The following FCHSD2 variants were observed in gnomAD, a reference collection of about 807,000 sequenced individuals.
FCHSD2 encodes F-BAR and double SH3 domains protein 2.
Under a neutral mutation model 108.1 loss-of-function variants are expected in FCHSD2, and 38 were observed. The observed-to-expected ratio is 0.35, with a 90% CI of 0.27 to 0.46. The LOEUF is 0.46. Ranked by LOEUF, FCHSD2 falls within the 20% of genes least tolerant of loss-of-function variation. The pLI is 1.00. For missense variants in FCHSD2, 751 were observed against 897.8 expected (o/e 0.84, Z 2.09); for synonymous variants, 279 against 314.7 (o/e 0.89, Z 1.20).
chr11:73,082,978 A>G (rs968353121), intron 3 of FCHSD2, among the ~76,000 whole-genome samples: 1 of 152,204 alleles, frequency 6.6e-6, no homozygotes, highest in Non-Finnish European at 1.5e-5. Flanking sequence ...AAATGCTTCA[A>G]TTTCCCTAGG....
intron 8 of FCHSD2, among the ~76,000 whole-genome samples, chr11:72,923,805 G>A (rs1856020839): frequency 6.6e-6 from 1 of 152,106 alleles, no homozygotes; most frequent in Non-Finnish European, 1.5e-5. Flanking sequence ...CTGATGTAGT[G>A]GCGTCTGCCT....
At chr11:73,071,795 T>C (rs1184521415) in intron 3 of FCHSD2, among the ~76,000 whole-genome samples, 1 of 152,060 alleles carries the variant, frequency 6.6e-6, no homozygotes, top group Non-Finnish European at 1.5e-5. Flanking sequence ...GTGTCCACAA[T>C]TATAAAATGG....
chr11:73,036,121 A>G (rs902170929), intron 3 of FCHSD2, among the ~76,000 whole-genome samples: 1 of 152,218 alleles, frequency 6.6e-6, no homozygotes, highest in Non-Finnish European at 1.5e-5. Flanking sequence ...TGGCTTGGAC[A>G]GGGCTCAAAG....
intron 11 of FCHSD2, among the ~76,000 whole-genome samples, chr11:72,889,144 T>C (rs1360096647): frequency 6.6e-6 from 1 of 151,684 alleles, no homozygotes; most frequent in Non-Finnish European, 1.5e-5. Flanking sequence ...TTAGTAGAGA[T>C]GGGGTTTCAC....
chr11:72,913,659 G>T (rs1306761845), intron 9 of FCHSD2, among the ~76,000 whole-genome samples: 1 of 152,038 alleles, frequency 6.6e-6, no homozygotes. Context: ...TGTGGTATTG[G>T]TTGTAATGTC....
chr11:72,942,355 T>A (rs909781246), intron 8 of FCHSD2, among the ~76,000 whole-genome samples: 2 of 152,232 alleles, frequency 1.3e-5, no homozygotes, highest in African/African-American at 4.8e-5. Context: ...TCTGCAGGAC[T>A]GTGAGCCAAA....
chr11:73,118,749 C>T (rs1298955212), intron 2 of FCHSD2, among the ~76,000 whole-genome samples: 2 of 152,244 alleles, frequency 1.3e-5, no homozygotes, highest in East Asian at 3.9e-4. Flanking sequence ...GCCCTTACCA[C>T]GTGTAATGCA....
intron 19 of FCHSD2, 29 bp from the exon 20 acceptor site, chr11:72,838,903 C>A: frequency 6.3e-7 from 1 of 1,577,640 alleles, no homozygotes; most frequent in Non-Finnish European, 8.6e-7. Flanking sequence ...CGTAGTTTGT[C>A]AGTCAGTTCC....
At chr11:73,085,282 G>C (rs1464002840) in intron 2 of FCHSD2, among the ~76,000 whole-genome samples, 2 of 152,134 alleles carry the variant, frequency 1.3e-5, no homozygotes, top group Non-Finnish European at 2.9e-5. Flanking sequence ...AGCAATGAGA[G>C]AGGATTCTGG....
chr11:72,848,212 C>CT (rs1861196854), intron 14 of FCHSD2, among the ~76,000 whole-genome samples: 1 of 152,166 alleles, frequency 6.6e-6, no homozygotes, highest in South Asian at 2.1e-4. Flanking sequence ...AACCAAACCT[C>CT]TAAGTCTGGT....
chr11:72,996,903 T>C (rs2135413145), intron 5 of FCHSD2, among the ~76,000 whole-genome samples: 1 of 152,334 alleles, frequency 6.6e-6, no homozygotes, highest in East Asian at 1.9e-4. Flanking sequence ...TTAATGTTTT[T>C]CCTTAGGGCA....
At chr11:72,981,847 G>A (rs554224529) in intron 8 of FCHSD2, among the ~76,000 whole-genome samples, 1 of 152,304 alleles carries the variant, frequency 6.6e-6, no homozygotes, top group African/African-American at 2.4e-5. Context: ...TGGGTATGGT[G>A]GCAGGCACCT....
chr11:72,906,832 T>C lies in FCHSD2; in HGVS notation c.829-4194A>G, dbSNP rs201565404. Among the ~76,000 whole-genome samples the C allele has an allele frequency of 3.9e-5, 6 of 152,340 alleles. No individual in the cohort carries two copies. In the East Asian group the frequency reaches 9.6e-4, roughly 24 times the overall value. On this transcript the variant is annotated intron_variant, in intron 9 of 19. Coordinates refer to ENST00000409418, the MANE Select transcript of FCHSD2 (RefSeq NM_014824.3). ...TGCTGTTTTGGTTACTGTAGCCTTG[T>C]AGTATAGTTTGAAGTCAGGTAGCAC...
At chr11:73,025,870 C>A (rs980614042) in intron 3 of FCHSD2, among the ~76,000 whole-genome samples, 1 of 152,072 alleles carries the variant, frequency 6.6e-6, no homozygotes, top group Non-Finnish European at 1.5e-5. Context: ...TCTGGTCTCC[C>A]GTAACCATCC....
chr11:72,996,971 G>A (rs958889366), intron 5 of FCHSD2, among the ~76,000 whole-genome samples: 4 of 152,184 alleles, frequency 2.6e-5, no homozygotes, highest in Non-Finnish European at 5.9e-5. Flanking sequence ...ATTTTTACGA[G>A]ACTGGGGAGA....
At chr11:73,088,259 G>T (rs1216913783) in intron 2 of FCHSD2, among the ~76,000 whole-genome samples, 4 of 152,090 alleles carry the variant, frequency 2.6e-5, no homozygotes, top group South Asian at 4.1e-4. Flanking sequence ...TGTTACAACT[G>T]CCTACAGTAT....
At chr11:73,129,202 A>G (rs1454220671) in intron 2 of FCHSD2, among the ~76,000 whole-genome samples, 1 of 152,178 alleles carries the variant, frequency 6.6e-6, no homozygotes, top group Non-Finnish European at 1.5e-5. Context: ...GATGTTCTCA[A>G]TTACAAAACA....
chr11:72,881,911 G>C (rs1030058409), intron 12 of FCHSD2, among the ~76,000 whole-genome samples: 9 of 152,156 alleles, frequency 5.9e-5, no homozygotes, highest in African/African-American at 1.9e-4. Context: ...GGAGGCCGAG[G>C]GGGGCGAATC....
At chr11:72,900,935 T>C (rs929497306) in intron 10 of FCHSD2, among the ~76,000 whole-genome samples, 7 of 152,248 alleles carry the variant, frequency 4.6e-5, no homozygotes, top group Non-Finnish European at 8.8e-5. Context: ...TTGCCTACAT[T>C]GACAGAATGT....
Sources: gnomAD v4.1 joint callset for allele counts (sites outside exome capture counted in the v4.1 genomes callset) on GRCh38, gnomAD v4.1.1 for gene constraint, MANE v1.5 for transcripts, NCBI Gene and HGNC (gene_info 2026-07-23, HGNC 2026-07-21) for gene names.